The following NAE1 variants were observed in gnomAD, a reference collection of about 807,000 sequenced individuals.
NAE1 encodes NEDD8 activating enzyme E1 subunit 1.
In NAE1, 59 loss-of-function variants were observed where a neutral mutation model predicts 88.0. The observed-to-expected ratio is 0.67, with a 90% CI of 0.54 to 0.83. The LOEUF is 0.83. NAE1 is among the 40% of genes least tolerant of loss of function. The probability of loss-of-function intolerance (pLI) is 0.00; values close to 1 mark genes in which losing one functional copy is unlikely to be tolerated. For missense variants in NAE1, 554 were observed against 632.8 expected, an observed-to-expected ratio of 0.88 and a Z score of 1.34; for synonymous variants, 186 against 208.9, an observed-to-expected ratio of 0.89 and a Z score of 0.95.
chr16:66,806,502 G>A (rs1412907732), intron 17 of NAE1, among the ~76,000 whole-genome samples: 1 of 151,704 alleles, frequency 6.6e-6, no homozygotes. Flanking sequence ...TCGGCTCACC[G>A]CAACCTCTGC....
chr16:66,830,263 CAAAAATAAAAAT>C (rs372607475), intron 1 of NAE1, among the ~76,000 whole-genome samples: 1 of 151,876 alleles, frequency 6.6e-6, no homozygotes, highest in East Asian at 1.9e-4. Flanking sequence ...TCTACAAAAA[CAAAAATAAAAAT>C]AAAAATAAAA....
Position 66,810,410 on chromosome 16 carries a change from G to C in NAE1, c.1114C>G (p.Pro372Ala). 1 of 1,601,536 alleles carries C rather than the reference G, an allele frequency of 6.2e-7. No homozygotes were observed. Among genetic ancestry groups the C allele is most frequent in the Non-Finnish European group, 8.5e-7 (1 of 1,170,546 alleles). The change falls in exon 15 of 20, where the codon CCA (proline) becomes GCA (alanine). Residue 372 changes from proline to alanine, a missense_variant. By Grantham distance (27) the Pro-to-Ala change is conservative. Transcript: ENST00000290810. ...AKLLQSIGQA[P>A]ESISEKELKL... The stretch of plus-strand genomic sequence containing the variant: ...AATTCTTTCTCTGAAATGGACTCTG[G>C]TGCCTGTAAAGAGATAAATACAGAT...
chr16:66,825,872 G>T (rs761852198), intron 3 of NAE1, among the ~76,000 whole-genome samples: 3 of 152,060 alleles, frequency 2.0e-5, no homozygotes, highest in Non-Finnish European at 2.9e-5. Context: ...AAGATAACAA[G>T]ACTTCTTGGT....
At chr16:66,822,674 ATT>A (rs1347628564) in intron 6 of NAE1, among the ~76,000 whole-genome samples, 1 of 137,548 alleles carries the variant, frequency 7.3e-6, no homozygotes, top group African/African-American at 2.6e-5. Flanking sequence ...TTATTTATTT[ATT>A]TTTTTTTTTT....
intron 11 of NAE1, among the ~76,000 whole-genome samples, chr16:66,815,285 T>C (rs1940852190): frequency 1.3e-5 from 2 of 152,206 alleles, no homozygotes; most frequent in African/African-American, 4.8e-5. Flanking sequence ...GATAACTATA[T>C]ATACATATTT....
In NAE1 at chr16:66,802,936, T is replaced by G. The variant is rs1959408962; in HGVS notation, c.*73A>C. ...ATTTAGCAGCTCTCCTTTAGAATTT[T>G]ACAGACTAAAGCACAACCCGAAGGC... On this transcript the variant is annotated 3_prime_UTR_variant, in exon 20 of 20. Coordinates refer to ENST00000290810, the MANE Select transcript of NAE1 (RefSeq NM_003905.4). The G allele has an allele frequency of 1.1e-6, 1 of 902,444 alleles. No individual in the cohort carries two copies. Among genetic ancestry groups the G allele is most frequent in the Admixed American group, 2.1e-5 (1 of 46,968 alleles). 55.9% of individuals were successfully genotyped at this position (902,444 alleles called of 1,614,324 possible). A position where few individuals can be genotyped will look rare whatever the true frequency, so the allele number is the denominator to read the frequency against.
rs565276191 is a variant in NAE1, at chr16:66,808,529, C to G, written c.1322G>C (p.Arg441Thr). 2.6e-6 allele frequency: 4 copies of G among 1,566,730 alleles called. No homozygotes were observed. Among genetic ancestry groups the G allele is most frequent in the Non-Finnish European group, 3.5e-6 (4 of 1,141,990 alleles). Residue 441 changes from arginine (R) to threonine (T), a missense_variant, in exon 17 of 20, where the codon AGA becomes ACA. Transcript: ENST00000290810. Reference protein sequence around the residue: ...AVDRFHKQQGRYPGVSNYQVE... With the variant: ...AVDRFHKQQGTYPGVSNYQVE... Reference sequence around the variant, plus strand: ...TCAATTGCTATTCTTACCTGGATATCTACCCTGTTGTTTATGAAATCTATC... The same window carrying G: ...TCAATTGCTATTCTTACCTGGATATGTACCCTGTTGTTTATGAAATCTATC...
intron 13 of NAE1, among the ~76,000 whole-genome samples, chr16:66,812,343 T>C (rs1369096980): frequency 6.6e-6 from 1 of 152,058 alleles, no homozygotes; most frequent in Admixed American, 6.6e-5. Flanking sequence ...GTGAACCTTG[T>C]GTGTGTGTTA....
At chr16:66,830,070 A>G (rs1015360921) in intron 1 of NAE1, among the ~76,000 whole-genome samples, 1 of 152,096 alleles carries the variant, frequency 6.6e-6, no homozygotes, top group African/African-American at 2.4e-5. Flanking sequence ...ATTTTTAAAT[A>G]GAAACAGGGT....
rs1959549174 is a variant in NAE1 at position 66,806,045 on chromosome 16, T to C, written c.1331-19A>G. 6.3e-7 allele frequency: 1 copy of C among 1,591,094 alleles called. No individual in the cohort carries two copies. On this transcript the variant is annotated intron_variant, in intron 17 of 19. Transcript: ENST00000290810. ...GATACTCCTAAAAATAAAAGTTAGTTTTCATTAAAATAAATGTGATTCAAA... is the reference window on the plus strand; with the variant it reads ...GATACTCCTAAAAATAAAAGTTAGTCTTCATTAAAATAAATGTGATTCAAA...
chr16:66,821,265 C>T (rs1960246834), intron 7 of NAE1, among the ~76,000 whole-genome samples, 185 bp downstream of exon 7: 1 of 152,166 alleles, frequency 6.6e-6, no homozygotes, highest in South Asian at 2.1e-4. Flanking sequence ...GCTTTGTATC[C>T]TTCTATAATG....
intron 8 of NAE1, 24 bp from the exon 9 acceptor site, chr16:66,817,511 G>A: frequency 6.9e-7 from 1 of 1,457,570 alleles, no homozygotes; most frequent in East Asian, 2.4e-5. Context: ...ACAAATAAAA[G>A]AAAATATCAG....
chr16:66,821,174 T>C (rs1960242313), intron 7 of NAE1, among the ~76,000 whole-genome samples: 1 of 152,172 alleles, frequency 6.6e-6, no homozygotes, highest in Non-Finnish European at 1.5e-5. Flanking sequence ...CAATGTGGGT[T>C]AGGGGGCAAA....
intron 7 of NAE1, among the ~76,000 whole-genome samples, chr16:66,819,757 A>G (rs28548319): frequency 0.19 from 28,674 of 152,194 alleles, 5,474 homozygotes; most frequent in African/African-American, 0.49. Context: ...TGGATTAAGG[A>G]TACTCAATCT....
chr16:66,828,047 C>G, intron 1 of NAE1: 1 of 1,613,854 alleles, frequency 6.2e-7, no homozygotes, highest in Non-Finnish European at 8.5e-7. Context: ...CATAAGGGCC[C>G]AGACAGCTGT....
intron 7 of NAE1, 91 bp from the exon 8 acceptor site, chr16:66,818,728 A>T: frequency 1.4e-6 from 2 of 1,427,076 alleles, no homozygotes; most frequent in Non-Finnish European, 1.8e-6. Flanking sequence ...AGGCTGAAGT[A>T]CAGTGGCACA....
At chr16:66,812,513 C>CTTT (rs961953416) in intron 13 of NAE1, among the ~76,000 whole-genome samples, 210 of 103,620 alleles carry the variant, frequency 2.0e-3, no homozygotes, top group Middle Eastern at 7.9e-3. Flanking sequence ...CCCCTAAGTT[C>CTTT]TTTTTTTTTT....
In NAE1 at chr16:66,823,206, CAT is replaced by C; in HGVS notation, c.401+19_401+20del. Reference sequence around the variant, plus strand: ...AAATCTAATAAGATTAAAATAAAAACATATTAACATAAAAATTTACCTTTCAG... The same window carrying C: ...AAATCTAATAAGATTAAAATAAAAACATTAACATAAAAATTTACCTTTCAG... On this transcript the variant is annotated intron_variant, in intron 6 of 19. Transcript: ENST00000290810. 7.1e-7 allele frequency: 1 copy of C among 1,417,964 alleles called. No individual in the cohort carries two copies. Among genetic ancestry groups the C allele is most frequent in the Non-Finnish European group, 9.7e-7 (1 of 1,030,980 alleles). 87.8% of individuals were successfully genotyped at this position (1,417,964 alleles called of 1,614,324 possible). A position where few individuals can be genotyped will look rare whatever the true frequency, so the allele number is the denominator to read the frequency against.
At position 66,813,615 on chromosome 16, in the gene NAE1, G is replaced by A. The variant is rs760427108; in HGVS notation, c.983C>T (p.Thr328Ile). Residue 328 changes from threonine (T) to isoleucine (I), a missense_variant, in exon 13 of 20, where the codon ACA (threonine) becomes ATA (isoleucine). By Grantham distance (89) the Thr-to-Ile change is moderately conservative. Coordinates refer to ENST00000290810, the MANE Select transcript of NAE1 (RefSeq NM_003905.4). ...TGAATCTGCAATCATATCAGGAATTGTGCCTCGAACAGGTAAATTTCCTTG... is the reference window on the plus strand; with the variant it reads ...TGAATCTGCAATCATATCAGGAATTATGCCTCGAACAGGTAAATTTCCTTG... Reference protein sequence around the residue: ...EGQGNLPVRGTIPDMIADSGK... With the variant: ...EGQGNLPVRGIIPDMIADSGK... 1.9e-6 allele frequency: 3 copies of A among 1,613,954 alleles called. No individual in the cohort carries two copies. Among genetic ancestry groups the A allele is most frequent in the South Asian group, 2.2e-5 (2 of 91,018 alleles).
Sources: allele counts gnomAD v4.1 joint callset (sites outside exome capture counted in the v4.1 genomes callset), GRCh38; gene constraint gnomAD v4.1.1; transcripts MANE v1.5; gene names NCBI Gene and HGNC (gene_info 2026-07-23, HGNC 2026-07-21).